Variants in BMPR2 observed in about 807,000 individuals in gnomAD.
BMPR2 encodes the protein bone morphogenetic protein receptor type-2.
Under a neutral mutation model 100.8 loss-of-function variants are expected in BMPR2, and 29 were observed. The observed-to-expected ratio is 0.29, with a 90% CI of 0.21 to 0.39. BMPR2 has a LOEUF of 0.39. BMPR2 is among the 10% of genes least tolerant of loss of function. The pLI, the probability that BMPR2 is intolerant of heterozygous loss-of-function variation, is 1.00. For missense variants in BMPR2, 1,011 were observed against 1,274.5 expected, an observed-to-expected ratio of 0.79 and a Z score of 3.15; for synonymous variants, 382 against 442.3, an observed-to-expected ratio of 0.86 and a Z score of 1.71.
At chr2:202,493,375 G>C (rs1164725476) in intron 3 of BMPR2, among the ~76,000 whole-genome samples, 2 of 151,910 alleles carry the variant, frequency 1.3e-5, no homozygotes, top group Non-Finnish European at 2.9e-5. Flanking sequence ...GTACAATAGA[G>C]GTAATTAAAG....
At chr2:202,396,946 C>A (rs1005681802) in intron 1 of BMPR2, among the ~76,000 whole-genome samples, 1 of 151,970 alleles carries the variant, frequency 6.6e-6, no homozygotes, top group Admixed American at 6.6e-5. Flanking sequence ...TACAGTCATG[C>A]GCCACCACGC....
intron 1 of BMPR2, among the ~76,000 whole-genome samples, chr2:202,388,872 A>G (rs1196884856): frequency 6.6e-6 from 1 of 151,938 alleles, no homozygotes; most frequent in African/African-American, 2.4e-5. Context: ...ATTTCACATT[A>G]CCCTTTTAAT....
At chr2:202,549,052 T>C (rs933267120) in intron 10 of BMPR2, among the ~76,000 whole-genome samples, 2 of 152,154 alleles carry the variant, frequency 1.3e-5, no homozygotes, top group Non-Finnish European at 2.9e-5. Flanking sequence ...CTATCCCCCA[T>C]GAGTCCCCAG....
chr2:202,387,237 C>T (rs1054536667), intron 1 of BMPR2, among the ~76,000 whole-genome samples: 5 of 152,172 alleles, frequency 3.3e-5, no homozygotes, highest in Non-Finnish European at 7.3e-5. Context: ...TCTAATTTGA[C>T]AGTGGCTACA....
chr2:202,519,200 T>A, intron 6 of BMPR2, 148 bp downstream of exon 6: 2 of 796,578 alleles, frequency 2.5e-6, no homozygotes, highest in Non-Finnish European at 4.2e-6. Context: ...CCGTCTCTAC[T>A]AAAAATACAA....
chr2:202,535,300 C>G lies in BMPR2; in HGVS notation c.1276+2568C>G, dbSNP rs200573285. On this transcript the variant is annotated intron_variant, in intron 9 of 12. Transcript: ENST00000374580. ...CTCACTTCTCAGACGGGGCGGCTGC[C>G]GGGCGGAGGGGCTCCTCACTTCTCA... is the stretch of plus-strand genomic sequence containing the variant. 2.7e-5 allele frequency among the ~76,000 whole-genome samples: 4 copies of G among 150,458 alleles called. No individual in the cohort carries two copies. In the South Asian group the frequency reaches 8.4e-4, roughly 32 times the overall value.
At chr2:202,438,620 T>G (rs1691666166) in intron 1 of BMPR2, among the ~76,000 whole-genome samples, 1 of 150,674 alleles carries the variant, frequency 6.6e-6, no homozygotes, top group African/African-American at 2.5e-5. Flanking sequence ...TGATCCATTT[T>G]CAGTTAATTT....
chr2:202,479,053 C>G (rs1692608159), intron 3 of BMPR2, among the ~76,000 whole-genome samples: 1 of 152,198 alleles, frequency 6.6e-6, no homozygotes, highest in Admixed American at 6.5e-5. Context: ...TCCTGTCCTT[C>G]TGAATGTGAG....
chr2:202,398,047 T>G (rs976395172), intron 1 of BMPR2, among the ~76,000 whole-genome samples: 1 of 150,380 alleles, frequency 6.6e-6, no homozygotes, highest in Non-Finnish European at 1.5e-5. Flanking sequence ...GATTGGAGAT[T>G]GCGGTGAGCC....
intron 7 of BMPR2, among the ~76,000 whole-genome samples, chr2:202,523,142 C>G (rs887267645): frequency 3.3e-5 from 5 of 152,168 alleles, no homozygotes; most frequent in African/African-American, 4.8e-5. Flanking sequence ...TGCTCCATAT[C>G]ACTAATCATC....
At chr2:202,451,648 G>A (rs781476482) in intron 1 of BMPR2, among the ~76,000 whole-genome samples, 1 of 152,144 alleles carries the variant, frequency 6.6e-6, no homozygotes, top group Non-Finnish European at 1.5e-5. Flanking sequence ...GCAGTGAGCC[G>A]AGATCGTGCC....
At chr2:202,438,605 GTTTCTGATCCA>G (rs1559038641) in intron 1 of BMPR2, among the ~76,000 whole-genome samples, 2 of 150,430 alleles carry the variant, frequency 1.3e-5, no homozygotes, top group African/African-American at 5.0e-5. Flanking sequence ...TACGTTTTGC[GTTTCTGATCCA>G]TTTTCAGTTA....
At chr2:202,462,753 C>A (rs1388616038) in intron 1 of BMPR2, among the ~76,000 whole-genome samples, 1 of 151,178 alleles carries the variant, frequency 6.6e-6, no homozygotes, top group Non-Finnish European at 1.5e-5. Flanking sequence ...GCTCTTTTTG[C>A]CCAAACTGGA....
At chr2:202,498,234 G>A (rs909311100) in intron 3 of BMPR2, among the ~76,000 whole-genome samples, 1 of 152,114 alleles carries the variant, frequency 6.6e-6, no homozygotes, top group African/African-American at 2.4e-5. Flanking sequence ...TTCTCAGTCG[G>A]TCCTCCTTGT....
chr2:202,472,141 C>T (rs1377836271), intron 3 of BMPR2, among the ~76,000 whole-genome samples: 2 of 151,790 alleles, frequency 1.3e-5, no homozygotes, highest in African/African-American at 4.8e-5. Context: ...CTTAGTCAAC[C>T]AATTATAACA....
intron 1 of BMPR2, among the ~76,000 whole-genome samples, chr2:202,387,977 A>AC (rs1398356727): frequency 2.0e-5 from 3 of 152,232 alleles, no homozygotes; most frequent in Admixed American, 6.5e-5. Context: ...TTTCTGAGAT[A>AC]CTTAATCGTT....
At chr2:202,498,440 C>T (rs1225604866) in intron 3 of BMPR2, among the ~76,000 whole-genome samples, 1 of 151,804 alleles carries the variant, frequency 6.6e-6, no homozygotes, top group African/African-American at 2.4e-5. Context: ...GTTTCTGCTG[C>T]TGCATTGGTG....
intron 3 of BMPR2, among the ~76,000 whole-genome samples, chr2:202,507,260 C>G (rs529615341): frequency 2.0e-5 from 3 of 151,990 alleles, no homozygotes; most frequent in Non-Finnish European, 4.4e-5. Flanking sequence ...GTCCTTAGAT[C>G]TTATTTTTAA....
At chr2:202,497,190 C>T (rs1693052560) in intron 3 of BMPR2, among the ~76,000 whole-genome samples, 1 of 152,214 alleles carries the variant, frequency 6.6e-6, no homozygotes, top group Admixed American at 6.5e-5. Flanking sequence ...CTGAGCCTCC[C>T]ACCCCCTCCA....
Sources: gnomAD v4.1 joint callset for allele counts (sites outside exome capture counted in the v4.1 genomes callset) on GRCh38, gnomAD v4.1.1 for gene constraint, MANE v1.5 for transcripts, NCBI Gene and HGNC (gene_info 2026-07-23, HGNC 2026-07-21) for gene names.